Variants in ZSCAN23 observed in about 807,000 individuals in gnomAD.
The protein encoded by ZSCAN23 is zinc finger and SCAN domain-containing protein 23.
Under a neutral mutation model 19.3 loss-of-function variants are expected in ZSCAN23, and 19 were observed. The observed-to-expected ratio is 0.99, with a 90% CI of 0.69 to 1.45. The LOEUF (loss-of-function observed/expected upper bound fraction) is 1.45, where lower values mean the gene tolerates loss of function less well. ZSCAN23 is among the 40% of genes most tolerant of loss of function. The probability of loss-of-function intolerance (pLI) is 0.00; values close to 1 mark genes in which losing one functional copy is unlikely to be tolerated. For synonymous variants in ZSCAN23, 140 were observed against 166.2 expected (o/e 0.84, Z 1.21); for missense variants, 372 against 462.5 (o/e 0.80, Z 1.79).
At chr6:28,426,394 G>A in the ZSCAN23 span, among the ~76,000 whole-genome samples, 1 of 152,300 alleles carries the variant, frequency 6.6e-6, no homozygotes, top group East Asian at 1.9e-4. Context: ...GTGTCTCAGG[G>A]AATAGGGAGG....
At chr6:28,441,054 C>T (rs1761989352) in intron 1 of ZSCAN23, among the ~76,000 whole-genome samples, 1 of 152,130 alleles carries the variant, frequency 6.6e-6, no homozygotes, top group Non-Finnish European at 1.5e-5. Context: ...TAAGTCTTAC[C>T]TTAAAAAATA....
chr6:28,441,671 G>C (rs1391924777), intron 1 of ZSCAN23, among the ~76,000 whole-genome samples: 1 of 151,892 alleles, frequency 6.6e-6, no homozygotes, highest in Non-Finnish European at 1.5e-5. Flanking sequence ...GAGGAATATA[G>C]AATTCTTTCA....
intron 3 of ZSCAN23, 112 bp downstream of exon 3, chr6:28,435,348 A>G: frequency 1.5e-6 from 2 of 1,377,980 alleles, no homozygotes. Context: ...TTATCACTGT[A>G]TCCCTGGTAC....
downstream of ZSCAN23, among the ~76,000 whole-genome samples, chr6:28,427,753 C>T (rs1279613039): frequency 1.3e-5 from 2 of 152,100 alleles, no homozygotes; most frequent in Non-Finnish European, 2.9e-5. Flanking sequence ...ATTATTTAGT[C>T]TACTTCGTAG....
At chr6:28,439,408 G>A (rs537516158) in intron 1 of ZSCAN23, among the ~76,000 whole-genome samples, 10 of 152,050 alleles carry the variant, frequency 6.6e-5, no homozygotes, top group South Asian at 2.1e-4. Context: ...TTCTTGGTGC[G>A]ACTCACCACC....
chr6:28,434,477 A>G lies in ZSCAN23; in HGVS notation c.1158T>C (p.Ala386=), dbSNP rs74762071. The change falls in exon 4 of 4, where the codon GCT becomes GCC. Residue 386 remains alanine, a synonymous_variant. Transcript: ENST00000289788. ...LIQHRKVHPV[A]ESS ...CTGTTCCAAGGAGCTAGCTTGATTC[A>G]GCCACTGGGTGGACTTTCCGATGCT... The G allele has an allele frequency of 7.1e-4, 1,098 of 1,543,080 alleles. 6 individuals are homozygous for G. The African/African-American group carries it at 0.012, about 17-fold the overall frequency.
At position 28,443,486 on chromosome 6, in the gene ZSCAN23, A is replaced by C. The variant is rs1171497530; in HGVS notation, c.-165T>G. The C allele has an allele frequency of 2.0e-5, 3 of 152,220 alleles. No homozygotes were observed. The highest frequency in any genetic ancestry group is 1.3e-4 in the Admixed American group (2 of 15,278). The allele number at this position is 152,220 out of a possible 1,614,324, so 9.4% of individuals were successfully genotyped here. A position where few individuals can be genotyped will look rare whatever the true frequency, so the allele number is the denominator to read the frequency against. On this transcript the variant is annotated 5_prime_UTR_variant, in exon 1 of 4. Transcript: ENST00000289788. Reference sequence around the variant, plus strand: ...ACCGCAGCCCAAAGAATGATAAACTACAAAGGCCGGAAATGCGTCACCGCG... The same window carrying C: ...ACCGCAGCCCAAAGAATGATAAACTCCAAAGGCCGGAAATGCGTCACCGCG...
At chr6:28,427,729 C>T (rs1339898), downstream of ZSCAN23, among the ~76,000 whole-genome samples, 59,253 of 152,018 alleles carry the variant, frequency 0.39, 12,901 homozygotes, top group African/African-American at 0.59. Context: ...CTGTTAAATA[C>T]GTTTCTAATG....
chr6:28,435,960 C>T lies in ZSCAN23; in HGVS notation c.307G>A (p.Glu103Lys), dbSNP rs1372947012. The change falls in exon 2 of 4, where the codon GAG (glutamate) becomes AAG (lysine). Residue 103 changes from glutamate (E) to lysine (K), a missense_variant. By Grantham distance (56) the Glu-to-Lys change is moderately conservative (BLOSUM62 1). Transcript: ENST00000289788. ...LEQFLTILPE[E>K]LQAWVRQHRP... Reference sequence around the variant, plus strand: ...TGCTGTCTGACCCAGGCCTGGAGCTCCTCAGGCAGGATAGTCAGGAACTGC... The same window carrying T: ...TGCTGTCTGACCCAGGCCTGGAGCTTCTCAGGCAGGATAGTCAGGAACTGC... 3.7e-6 allele frequency: 6 copies of T among 1,614,060 alleles called. No individual in the cohort carries two copies. The highest frequency in any genetic ancestry group is 5.1e-6 in the Non-Finnish European group (6 of 1,180,040).
chr6:28,440,574 G>A (rs758396), intron 1 of ZSCAN23, among the ~76,000 whole-genome samples: 10,323 of 152,090 alleles, frequency 0.068, 416 homozygotes, highest in South Asian at 0.17. Flanking sequence ...CTCAATAAAC[G>A]TACCATGGAT....
At position 28,436,084 on chromosome 6, in the gene ZSCAN23, C is replaced by T; in HGVS notation, c.183G>A (p.Gly61=). 1.2e-6 allele frequency: 2 copies of T among 1,614,104 alleles called. No homozygotes were observed. The highest frequency in any genetic ancestry group is 1.7e-6 in the Non-Finnish European group (2 of 1,179,966). Residue 61 remains glycine (G), a synonymous_variant, in exon 2 of 4, where the codon GGG becomes GGA. Coordinates refer to ENST00000289788, the MANE Select transcript of ZSCAN23 (RefSeq NM_001012455.2). ...FRQFCYQESP[G]PREALQRLQE... is the part of the protein sequence containing the mutation. ...GGAGTCTTTGAAGAGCCTCCCGGGG[C>T]CCAGGGGACTCCTGATAGCAGAACT... is the stretch of plus-strand genomic sequence containing the variant.
downstream of ZSCAN23, among the ~76,000 whole-genome samples, chr6:28,427,683 A>G (rs75555497): frequency 0.068 from 10,301 of 152,318 alleles, 416 homozygotes; most frequent in South Asian, 0.17. Flanking sequence ...TTACTGAAAC[A>G]TCGCTATATG....
At chr6:28,428,259 C>T (rs2114026497), downstream of ZSCAN23, among the ~76,000 whole-genome samples, 1 of 152,286 alleles carries the variant, frequency 6.6e-6, no homozygotes, top group African/African-American at 2.4e-5. Flanking sequence ...TAGACCTTTT[C>T]ACTTGTATGT....
At position 28,436,192 on chromosome 6, in the gene ZSCAN23, C is replaced by G; in HGVS notation, c.75G>C (p.Glu25Asp). The change falls in exon 2 of 4, where the codon GAG (glutamate) becomes GAC (aspartate). Residue 25 changes from glutamate (E) to aspartate (D), a missense_variant. Transcript: ENST00000289788. ...GLLAVKVKEE[E>D]EEHSCGPESG... ...ATTCTGGCCCACAGGAATGTTCCTCCTCTTCCTCCTTTACCTTCACTGCCA... is the reference window on the plus strand; with the variant it reads ...ATTCTGGCCCACAGGAATGTTCCTCGTCTTCCTCCTTTACCTTCACTGCCA... 1 of 1,555,168 alleles carries G rather than the reference C, an allele frequency of 6.4e-7. No individual in the cohort carries two copies. Among genetic ancestry groups the G allele is most frequent in the Non-Finnish European group, 8.7e-7 (1 of 1,148,800 alleles).
At chr6:28,428,991 C>T (rs1196709858), downstream of ZSCAN23, among the ~76,000 whole-genome samples, 8 of 152,180 alleles carry the variant, frequency 5.3e-5, no homozygotes, top group Admixed American at 6.5e-5. Context: ...TCTTGTTGCC[C>T]AGGCTGGAAT....
downstream of ZSCAN23, among the ~76,000 whole-genome samples, chr6:28,428,566 A>G (rs1316420521): frequency 6.6e-6 from 1 of 152,128 alleles, no homozygotes; most frequent in Non-Finnish European, 1.5e-5. Context: ...CTTTATTTCT[A>G]TAGCCAGTGA....
chr6:28,427,499 C>T (rs558294306), downstream of ZSCAN23, among the ~76,000 whole-genome samples: 2 of 152,256 alleles, frequency 1.3e-5, no homozygotes, highest in African/African-American at 4.8e-5. Flanking sequence ...AGTGTATAAC[C>T]TAATGCTCCT....
downstream of ZSCAN23, among the ~76,000 whole-genome samples, chr6:28,432,322 C>T (rs1195449640): frequency 1.3e-5 from 2 of 152,090 alleles, no homozygotes; most frequent in Non-Finnish European, 1.5e-5. Context: ...CTTAACTTCA[C>T]TCAAAAATCT....
downstream of ZSCAN23, among the ~76,000 whole-genome samples, chr6:28,432,347 TG>T (rs1172909166): frequency 1.3e-5 from 2 of 152,182 alleles, no homozygotes; most frequent in African/African-American, 4.8e-5. Flanking sequence ...CTATTTATCT[TG>T]GAAATAATTT....
Sources: gnomAD v4.1 joint callset for allele counts (sites outside exome capture counted in the v4.1 genomes callset) on GRCh38, gnomAD v4.1.1 for gene constraint, MANE v1.5 for transcripts, NCBI Gene and HGNC (gene_info 2026-07-23, HGNC 2026-07-21) for gene names.